The following AUNIP variants were observed in gnomAD, a reference collection of about 807,000 sequenced individuals.
AUNIP encodes the protein aurora kinase A- and ninein-interacting protein.
Under a neutral mutation model 12.2 loss-of-function variants are expected in AUNIP, and 16 were observed. That is an observed-to-expected ratio of 1.31 (90% CI 0.88 to 1.99). The LOEUF is 1.99. Ranked by LOEUF, AUNIP falls within the 30% of genes most tolerant of loss-of-function variation. The probability of loss-of-function intolerance (pLI) is 0.00; values close to 1 mark genes in which losing one functional copy is unlikely to be tolerated. For missense variants in AUNIP, 411 were observed against 419.1 expected, an observed-to-expected ratio of 0.98 and a Z score of 0.17; for synonymous variants, 142 against 154.8, an observed-to-expected ratio of 0.92 and a Z score of 0.61.
At chr1:25,848,483 C>CA (rs761716480) in intron 1 of AUNIP, among the ~76,000 whole-genome samples, 3,575 of 61,672 alleles carry the variant, frequency 0.058, 72 homozygotes, top group Middle Eastern at 0.069. Context: ...AACTCCGTCT[C>CA]AAAAAAAAAA....
downstream of AUNIP, among the ~76,000 whole-genome samples, chr1:25,833,591 A>ATATT (rs996256736): frequency 1.1e-4 from 17 of 152,042 alleles, no homozygotes; most frequent in African/African-American, 4.1e-4. Context: ...TCTCTACAAA[A>ATATT]TATTTTAAAA....
At chr1:25,833,741 G>A (rs529983136), downstream of AUNIP, among the ~76,000 whole-genome samples, 218 of 151,536 alleles carry the variant, frequency 1.4e-3, 4 homozygotes, top group Middle Eastern at 0.048. Flanking sequence ...GCAAGAGAGC[G>A]AGACCGTGTC....
intron 1 of AUNIP, among the ~76,000 whole-genome samples, chr1:25,837,971 T>A (rs2048316506): frequency 6.6e-6 from 1 of 152,104 alleles, no homozygotes; most frequent in South Asian, 2.1e-4. Context: ...CCGGGCGCGG[T>A]GGCTCACGCC....
At chr1:25,835,967 C>T in intron 2 of AUNIP, 121 bp from the exon 3 acceptor site, 1 of 1,402,868 alleles carries the variant, frequency 7.1e-7, no homozygotes, top group Non-Finnish European at 9.5e-7. Context: ...AGTCTTAAGA[C>T]TCTTCACATA....
intron 1 of AUNIP, among the ~76,000 whole-genome samples, chr1:25,844,321 G>T (rs968359318): frequency 1.3e-5 from 2 of 152,100 alleles, no homozygotes; most frequent in Non-Finnish European, 2.9e-5. Context: ...TGGCCAGAAT[G>T]GTCTCTTGAC....
chr1:25,835,069 G>A lies in AUNIP; in HGVS notation c.998C>T (p.Pro333Leu), dbSNP rs753283648. Reference protein sequence around the residue: ...SPWAQCQEDGPTQNLKPDLLF... With the variant: ...SPWAQCQEDGLTQNLKPDLLF... ...CAAATCAGGCTTCAGATTTTGAGTTGGCCCATCCTCCTGGCACTGAGCCCA... is the reference window on the plus strand; with the variant it reads ...CAAATCAGGCTTCAGATTTTGAGTTAGCCCATCCTCCTGGCACTGAGCCCA... Residue 333 changes from proline (P) to leucine (L), a missense_variant, in exon 3 of 3, where the codon CCA becomes CTA. Physicochemically the swap from Pro to Leu is moderately conservative, Grantham distance 98. Transcript: ENST00000374298. The A allele has an allele frequency of 6.2e-7, 1 of 1,614,178 alleles. No homozygotes were observed. The highest frequency in any genetic ancestry group is 8.5e-7 in the Non-Finnish European group (1 of 1,180,036).
chr1:25,840,357 G>A (rs943709949), intron 1 of AUNIP, among the ~76,000 whole-genome samples: 1 of 151,858 alleles, frequency 6.6e-6, no homozygotes, highest in South Asian at 2.1e-4. Flanking sequence ...AACTGAAAAG[G>A]AAGAAGCAAA....
At chr1:25,852,545 T>C (rs904776034) in intron 1 of AUNIP, among the ~76,000 whole-genome samples, 2 of 151,168 alleles carry the variant, frequency 1.3e-5, no homozygotes, top group Admixed American at 1.3e-4. Context: ...GTTCAAGCAG[T>C]TCTCCTGCCT....
Position 25,835,731 on chromosome 1 carries a change from G to A in AUNIP, c.336C>T (p.His112=), listed in dbSNP as rs377641827. The A allele has an allele frequency of 1.5e-5, 24 of 1,614,080 alleles. No homozygotes were observed. The African/African-American group carries it at 2.7e-4, about 18-fold the overall frequency. The change falls in exon 3 of 3, where the codon CAC becomes CAT. Residue 112 remains histidine, a synonymous_variant. Transcript: ENST00000374298. Reference sequence around the variant, plus strand: ...TGGCTAAAGGGGATGCCATGCAATCGTGTGCTAAGCCTGGGATCAAATGGT... The same window carrying A: ...TGGCTAAAGGGGATGCCATGCAATCATGTGCTAAGCCTGGGATCAAATGGT... ...QLDHLIPGLA[H]DCMASPLATS...
chr1:25,835,493 C>G lies in AUNIP; in HGVS notation c.574G>C (p.Gly192Arg). The G allele has an allele frequency of 6.2e-7, 1 of 1,614,262 alleles. No individual in the cohort carries two copies. Among genetic ancestry groups the G allele is most frequent in the Non-Finnish European group, 8.5e-7 (1 of 1,180,052 alleles). ...CATTCCCATTTCCTGGCAGAATCCC[C>G]TTTTTCTTCCTTTCGGTCTAGCAAA... is the stretch of plus-strand genomic sequence containing the variant. ...SCLLDRKEEKGDSARKWEWLH... is the reference protein window; with the variant it reads ...SCLLDRKEEKRDSARKWEWLH... The change falls in exon 3 of 3, where the codon GGG becomes CGG. Residue 192 changes from glycine (G) to arginine (R), a missense_variant. By Grantham distance (125) the Gly-to-Arg change is moderately radical (BLOSUM62 -2). Coordinates refer to ENST00000374298, the MANE Select transcript of AUNIP (RefSeq NM_024037.3).
Position 25,835,484 on chromosome 1 carries a change from C to G in AUNIP, c.583G>C (p.Ala195Pro). 6.2e-7 allele frequency: 1 copy of G among 1,614,254 alleles called. No individual in the cohort carries two copies. The highest frequency in any genetic ancestry group is 1.7e-5 in the Admixed American group (1 of 60,030). ...TCATGAAGCCATTCCCATTTCCTGGCAGAATCCCCTTTTTCTTCCTTTCGG... is the reference window on the plus strand; with the variant it reads ...TCATGAAGCCATTCCCATTTCCTGGGAGAATCCCCTTTTTCTTCCTTTCGG... ...LDRKEEKGDS[A>P]RKWEWLHESK... The change falls in exon 3 of 3, where the codon GCC becomes CCC. Residue 195 changes from alanine to proline, a missense_variant. Ala to Pro is a conservative substitution (Grantham distance 27). Transcript: ENST00000374298.
intron 1 of AUNIP, among the ~76,000 whole-genome samples, chr1:25,843,624 G>A (rs7521927): frequency 0.18 from 19,484 of 109,788 alleles, 2,200 homozygotes; most frequent in Non-Finnish European, 0.21. Context: ...AAAAAAAAAA[G>A]GGATTCATGA....
chr1:25,849,053 C>T (rs1241441278), intron 1 of AUNIP, among the ~76,000 whole-genome samples: 24 of 152,154 alleles, frequency 1.6e-4, no homozygotes, highest in Admixed American at 1.6e-3. Flanking sequence ...GACCCCCAAA[C>T]TTGAAGTTGC....
Position 25,837,268 on chromosome 1 carries a change from CTTATG to C in AUNIP, c.220+140_220+144del, listed in dbSNP as rs904394268. 25 of 1,014,614 alleles carry C rather than the reference CTTATG, an allele frequency of 2.5e-5. No individual in the cohort carries two copies. The African/African-American group carries it at 3.6e-4, about 14-fold the overall frequency. The allele number at this position is 1,014,614 out of a possible 1,614,324, so 62.9% of individuals were successfully genotyped here. On this transcript the variant is annotated intron_variant, in intron 2 of 2. Transcript: ENST00000374298. ...TATATTGCTTTTCAAAAGGCAACAA[CTTATG>C]TTTTATAACCTCTTCTAACAGGCTA... is the stretch of plus-strand genomic sequence containing the variant.
intron 1 of AUNIP, among the ~76,000 whole-genome samples, chr1:25,856,115 A>G (rs1173602443): frequency 6.6e-6 from 1 of 152,212 alleles, no homozygotes; most frequent in African/African-American, 2.4e-5. Flanking sequence ...CTGTAATCCC[A>G]GCACTTTGGG....
intron 1 of AUNIP, among the ~76,000 whole-genome samples, chr1:25,846,752 C>T (rs1265517604): frequency 6.6e-6 from 1 of 152,068 alleles, no homozygotes; most frequent in East Asian, 1.9e-4. Context: ...AGATTTTTTT[C>T]ACTTAAAGGC....
Position 25,835,807 on chromosome 1 carries a change from T to C in AUNIP, c.260A>G (p.His87Arg). 1 of 1,614,210 alleles carries C rather than the reference T, an allele frequency of 6.2e-7. No homozygotes were observed. The highest frequency in any genetic ancestry group is 1.1e-5 in the South Asian group (1 of 91,090). Residue 87 changes from histidine to arginine, a missense_variant, in exon 3 of 3, where the codon CAT (histidine) becomes CGT (arginine). Coordinates refer to ENST00000374298, the MANE Select transcript of AUNIP (RefSeq NM_024037.3). ...NGSDQKSVSS[H>R]TESQINKESK... is the part of the protein sequence containing the mutation. The stretch of plus-strand genomic sequence containing the variant: ...CTCTTTGTTGATCTGACTTTCTGTA[T>C]GAGATGAAACACTCTTCTGGTCACT...
At chr1:25,856,933 C>T (rs1160512180) in intron 1 of AUNIP, among the ~76,000 whole-genome samples, 3 of 151,284 alleles carry the variant, frequency 2.0e-5, no homozygotes, top group African/African-American at 7.3e-5. Flanking sequence ...CACAGCGAAA[C>T]CCCGTCTCTA....
rs375007517 is a variant in AUNIP, at chr1:25,835,347, G to C, written c.720C>G (p.Asn240Lys). ...KLERKVSAKE[N>K]RQAPVLLQTY... ...TTTGAAGGAGGACAGGGGCCTGCCT[G>C]TTTTCTTTGGCAGACACCTTTCTTT... The change falls in exon 3 of 3, where the codon AAC (asparagine) becomes AAG (lysine). Residue 240 changes from asparagine (N) to lysine (K), a missense_variant. Physicochemically the swap from Asn to Lys is moderately conservative, Grantham distance 94. Coordinates refer to ENST00000374298, the MANE Select transcript of AUNIP (RefSeq NM_024037.3). The C allele has an allele frequency of 9.9e-6, 16 of 1,614,224 alleles. No individual in the cohort carries two copies. Among genetic ancestry groups the C allele is most frequent in the Middle Eastern group, 1.6e-4 (1 of 6,062 alleles).
Sources: gnomAD v4.1 joint callset for allele counts (sites outside exome capture counted in the v4.1 genomes callset) on GRCh38, gnomAD v4.1.1 for gene constraint, MANE v1.5 for transcripts, NCBI Gene and HGNC (gene_info 2026-07-23, HGNC 2026-07-21) for gene names.